The following SEMA3A variants were observed in gnomAD, a reference collection of about 807,000 sequenced individuals.
SEMA3A encodes semaphorin 3A.
In SEMA3A, 29 loss-of-function variants were observed where a neutral mutation model predicts 97.9. The ratio of observed to expected loss-of-function variants is 0.30; its 90% CI spans 0.22 to 0.40. The LOEUF (loss-of-function observed/expected upper bound fraction) is 0.40. SEMA3A is among the 10% of genes least tolerant of loss of function. SEMA3A has a pLI of 1.00. For missense variants in SEMA3A, 763 were observed against 951.3 expected (o/e 0.80, Z 2.60); for synonymous variants, 321 against 323.7 (o/e 0.99, Z 0.09).
chr7:83,961,283 GA>G lies in SEMA3A; in HGVS notation c.*87del. 2 of 1,048,122 alleles carry G rather than the reference GA, an allele frequency of 1.9e-6. No individual in the cohort carries two copies. Among genetic ancestry groups the G allele is most frequent in the South Asian group, 2.8e-5 (2 of 72,626 alleles). The allele number at this position is 1,048,122 out of a possible 1,614,324, so 64.9% of individuals were successfully genotyped here. ...ATTGTAAACATCCACATAATGCCAT[GA>G]AAAAAGTTCATGTATATTGCATTTG... On this transcript the variant is annotated 3_prime_UTR_variant, in exon 17 of 17. Coordinates refer to ENST00000265362, the MANE Select transcript of SEMA3A (RefSeq NM_006080.3).
chr7:84,401,491 G>GAAA (rs35848664), intron 1 of SEMA3A, among the ~76,000 whole-genome samples: 30 of 114,270 alleles, frequency 2.6e-4, no homozygotes, highest in African/African-American at 8.5e-4. Context: ...CACAGAAATA[G>GAAA]AAAAAAAAAA....
chr7:84,004,727 A>G (rs1790596233), intron 11 of SEMA3A, among the ~76,000 whole-genome samples: 1 of 152,188 alleles, frequency 6.6e-6, no homozygotes, highest in African/African-American at 2.4e-5. Context: ...TTTATTTTAA[A>G]TTAGTATGTC....
At chr7:84,113,552 T>G (rs1562790431) in intron 3 of SEMA3A, among the ~76,000 whole-genome samples, 1 of 152,198 alleles carries the variant, frequency 6.6e-6, no homozygotes, top group African/African-American at 2.4e-5. Flanking sequence ...GAATGTAATG[T>G]ACTTTTTGGC....
intron 3 of SEMA3A, 137 bp from the exon 4 acceptor site, chr7:84,110,726 T>C: frequency 1.1e-6 from 1 of 884,296 alleles, no homozygotes; most frequent in Non-Finnish European, 1.7e-6. Flanking sequence ...TTCACAACAT[T>C]TTAAGGACTT....
intron 4 of SEMA3A, among the ~76,000 whole-genome samples, chr7:84,073,170 GT>G (rs1279546796): frequency 6.6e-6 from 1 of 152,066 alleles, no homozygotes; most frequent in Non-Finnish European, 1.5e-5. Context: ...AGAGTTCAGT[GT>G]GAGTACAGTG....
chr7:84,077,357 T>C (rs1270295852), intron 4 of SEMA3A, among the ~76,000 whole-genome samples: 1 of 152,124 alleles, frequency 6.6e-6, no homozygotes, highest in African/African-American at 2.4e-5. Flanking sequence ...GCTATTATTT[T>C]TTTACCACTT....
At chr7:84,394,528 T>C (rs1324841790) in intron 1 of SEMA3A, among the ~76,000 whole-genome samples, 2 of 152,106 alleles carry the variant, frequency 1.3e-5, no homozygotes, top group Non-Finnish European at 2.9e-5. Flanking sequence ...AGATGGAGGC[T>C]CATTTCATAT....
intron 7 of SEMA3A, among the ~76,000 whole-genome samples, chr7:84,013,597 T>G (rs1790973869): frequency 6.6e-6 from 1 of 150,380 alleles, no homozygotes; most frequent in Non-Finnish European, 1.5e-5. Flanking sequence ...GGTTCACGCC[T>G]GTAATCCCAG....
chr7:84,077,844 A>G (rs962928380), intron 4 of SEMA3A, among the ~76,000 whole-genome samples: 3 of 152,052 alleles, frequency 2.0e-5, no homozygotes, highest in South Asian at 2.1e-4. Context: ...AGAAAAGAAA[A>G]AAAATCAAAG....
rs1306508117 is a variant in SEMA3A at position 84,049,804 on chromosome 7, G to A, written c.548-3361C>T. 3.1e-3 allele frequency among the ~76,000 whole-genome samples: 471 copies of A among 149,722 alleles called. 1 individual carries two copies. Among genetic ancestry groups the A allele is most frequent in the African/African-American group, 0.011 (427 of 40,380 alleles). On this transcript the variant is annotated intron_variant, in intron 5 of 16. Transcript: ENST00000265362. ...ATGTATACATGTGCCATGCTGGTGTGCTGCACCCACTAACTCATCATCTAG... is the reference window on the plus strand; with the variant it reads ...ATGTATACATGTGCCATGCTGGTGTACTGCACCCACTAACTCATCATCTAG...
At chr7:84,297,035 T>C (rs1365031423) in intron 3 of SEMA3A, among the ~76,000 whole-genome samples, 2 of 152,214 alleles carry the variant, frequency 1.3e-5, no homozygotes, top group Non-Finnish European at 2.9e-5. Context: ...TGGAGTACAA[T>C]GGCACAATCT....
rs554023581 is a variant in SEMA3A, at chr7:84,318,025, C to T, written c.-168-10733G>A. Among the ~76,000 whole-genome samples the T allele has an allele frequency of 3.3e-5, 5 of 152,090 alleles. 1 individual carries two copies. The highest frequency in any genetic ancestry group is 1.2e-4 in the African/African-American group (5 of 41,500). ...AAAATGTTTTTAGGTCATATCCAGGCCTCCATTTTTTATCCATTAAAATGA... is the reference window on the plus strand; with the variant it reads ...AAAATGTTTTTAGGTCATATCCAGGTCTCCATTTTTTATCCATTAAAATGA... On this transcript the variant is annotated intron_variant, in intron 2 of 3. Transcript: ENST00000424555.
rs1584263109 is a variant in SEMA3A at position 84,359,144 on chromosome 7, T to C, written c.-169+12680A>G. On this transcript the variant is annotated intron_variant, in intron 2 of 3. Coordinates refer to the SEMA3A transcript ENST00000424555. Reference sequence around the variant, plus strand: ...ATACCCTTTATTTCTTTCTCCTGCCTGATTGCCCTGGCCAGAACTTCCAAC... The same window carrying C: ...ATACCCTTTATTTCTTTCTCCTGCCCGATTGCCCTGGCCAGAACTTCCAAC... 4.6e-5 allele frequency among the ~76,000 whole-genome samples: 7 copies of C among 152,262 alleles called. No homozygotes were observed. In the East Asian group the frequency reaches 1.2e-3, roughly 25 times the overall value.
chr7:84,214,314 T>C (rs1215789182), intron 3 of SEMA3A, among the ~76,000 whole-genome samples: 2 of 152,214 alleles, frequency 1.3e-5, no homozygotes, highest in African/African-American at 4.8e-5. Context: ...TGCAACTCAG[T>C]TGGACTTACA....
At chr7:84,081,935 T>A (rs1562766468) in intron 4 of SEMA3A, among the ~76,000 whole-genome samples, 2 of 152,130 alleles carry the variant, frequency 1.3e-5, no homozygotes, top group African/African-American at 2.4e-5. Flanking sequence ...AAAACTACAA[T>A]GTATATTTTT....
At chr7:84,412,286 T>G (rs1187463396) in intron 1 of SEMA3A, among the ~76,000 whole-genome samples, 1 of 152,204 alleles carries the variant, frequency 6.6e-6, no homozygotes, top group South Asian at 2.1e-4. Context: ...CAGCACATTC[T>G]TCTCCATTCA....
At chr7:84,015,257 T>C (rs1584548434) in intron 6 of SEMA3A, among the ~76,000 whole-genome samples, 1 of 31,246 alleles carries the variant, frequency 3.2e-5, no homozygotes, top group Non-Finnish European at 5.4e-5. Flanking sequence ...GAATAAGTAT[T>C]TGTTGTATTT....
intron 3 of SEMA3A, among the ~76,000 whole-genome samples, chr7:84,297,203 C>T (rs1800894564): frequency 6.6e-6 from 1 of 152,126 alleles, no homozygotes; most frequent in Non-Finnish European, 1.5e-5. Flanking sequence ...TCTCAAACTT[C>T]TGACCTCAGG....
chr7:84,456,392 G>A (rs1805685376), intron 1 of SEMA3A, among the ~76,000 whole-genome samples: 1 of 151,612 alleles, frequency 6.6e-6, no homozygotes, highest in African/African-American at 2.4e-5. Context: ...CAATAAAGGA[G>A]TCATTCATCA....
Sources: gnomAD v4.1 joint callset for allele counts (sites outside exome capture counted in the v4.1 genomes callset) on GRCh38, gnomAD v4.1.1 for gene constraint, MANE v1.5 for transcripts, NCBI Gene and HGNC (gene_info 2026-07-23, HGNC 2026-07-21) for gene names.